LPP: variants seen among roughly 807,000 people sequenced by gnomAD.
LPP encodes LIM domain containing preferred translocation partner in lipoma.
In LPP, 38 loss-of-function variants were observed where a neutral mutation model predicts 60.4. The ratio of observed to expected loss-of-function variants is 0.63; its 90% CI spans 0.49 to 0.83. The LOEUF is 0.83. Among genes scored for constraint, LPP ranks in the 40% least tolerant of loss-of-function variants. LPP has a pLI of 0.00. For missense variants in LPP, 902 were observed against 783.6 expected (o/e 1.15, Z -1.80); for synonymous variants, 328 against 290.8 (o/e 1.13, Z -1.30).
At chr3:188,291,538 C>T (rs751885303) in intron 2 of LPP, among the ~76,000 whole-genome samples, 35 of 148,324 alleles carry the variant, frequency 2.4e-4, no homozygotes, top group Admixed American at 1.7e-3. Flanking sequence ...CCCAGCTACT[C>T]GGGAGGCTGA....
At chr3:188,415,329 G>GCAT (rs899539949) in intron 4 of LPP, among the ~76,000 whole-genome samples, 4 of 152,084 alleles carry the variant, frequency 2.6e-5, no homozygotes. Context: ...TCACAATGCT[G>GCAT]GTAGGCATGT....
rs563081904 is a variant in LPP at position 188,571,399 on chromosome 3, A to G, written c.430-37762A>G. Among the ~76,000 whole-genome samples, 3 of 152,122 alleles carry G rather than the reference A, an allele frequency of 2.0e-5. No homozygotes were observed. In the South Asian group the frequency reaches 6.2e-4, roughly 32 times the overall value. On this transcript the variant is annotated intron_variant, in intron 6 of 11. Transcript: ENST00000617246. ...TTTTCAGAAGATAGGACTGTATGCAAATGTTTCCAATATCTCTTTCTAGGA... is the reference window on the plus strand; with the variant it reads ...TTTTCAGAAGATAGGACTGTATGCAGATGTTTCCAATATCTCTTTCTAGGA...
At chr3:188,741,041 A>G (rs1724226721) in intron 8 of LPP, among the ~76,000 whole-genome samples, 1 of 151,946 alleles carries the variant, frequency 6.6e-6, no homozygotes, top group Non-Finnish European at 1.5e-5. Context: ...AGTGTGTTTC[A>G]CTGATATGCA....
chr3:188,210,178 G>C (rs564226796), intron 1 of LPP, among the ~76,000 whole-genome samples: 28 of 152,098 alleles, frequency 1.8e-4, no homozygotes, highest in Admixed American at 1.2e-3. Flanking sequence ...AAGTAATCTA[G>C]AGATGCTTTA....
intron 7 of LPP, among the ~76,000 whole-genome samples, chr3:188,623,275 T>TG (rs1846163576): frequency 6.6e-6 from 1 of 150,670 alleles, no homozygotes; most frequent in Non-Finnish European, 1.5e-5. Flanking sequence ...TTTTTTTTTT[T>TG]GAAAGAGAGC....
chr3:188,655,000 C>A (rs566061377), intron 7 of LPP, among the ~76,000 whole-genome samples: 28 of 152,130 alleles, frequency 1.8e-4, no homozygotes, highest in Non-Finnish European at 3.5e-4. Flanking sequence ...TTATATGGAA[C>A]AAACATATGT....
In LPP at chr3:188,434,772, G is replaced by C. The variant is rs73050795; in HGVS notation, c.193+28459G>C. On this transcript the variant is annotated intron_variant, in intron 4 of 11. Coordinates refer to ENST00000617246, the MANE Select transcript of LPP (RefSeq NM_001375462.1). ...GGCATCCTTTTCTCACTCTGAGCCT[G>C]GGGTCAATGATGGATCGAATTAGAT... 8.8e-3 allele frequency among the ~76,000 whole-genome samples: 1,344 copies of C among 152,250 alleles called. 19 individuals carry two copies. Among genetic ancestry groups the C allele is most frequent in the African/African-American group, 0.031 (1,298 of 41,536 alleles).
At chr3:188,598,921 A>AT (rs1202026316) in intron 6 of LPP, among the ~76,000 whole-genome samples, 3 of 152,076 alleles carry the variant, frequency 2.0e-5, no homozygotes, top group African/African-American at 7.2e-5. Context: ...AACTCACAGT[A>AT]TTTTTCACTA....
At chr3:188,576,401 A>G (rs951436910) in intron 6 of LPP, among the ~76,000 whole-genome samples, 2 of 152,158 alleles carry the variant, frequency 1.3e-5, no homozygotes, top group African/African-American at 4.8e-5. Flanking sequence ...CATTCTGCAT[A>G]ACACACATGG....
chr3:188,649,058 C>T (rs777672398), intron 7 of LPP, among the ~76,000 whole-genome samples: 2 of 152,258 alleles, frequency 1.3e-5, no homozygotes, highest in South Asian at 2.1e-4. Flanking sequence ...AAAGTGCTAT[C>T]GTCATTGTCA....
At chr3:188,425,615 T>A (rs758961978) in intron 4 of LPP, among the ~76,000 whole-genome samples, 18 of 152,218 alleles carry the variant, frequency 1.2e-4, no homozygotes, top group Non-Finnish European at 2.4e-4. Context: ...AATTACTGCA[T>A]CAATTTCAGA....
chr3:188,156,858 C>CT (rs34544449), intron 1 of LPP, among the ~76,000 whole-genome samples: 15 of 151,306 alleles, frequency 9.9e-5, no homozygotes, highest in African/African-American at 3.7e-4. Context: ...CCCACCCCCC[C>CT]AAGAAAAATA....
At chr3:188,701,944 C>T (rs939691845) in intron 7 of LPP, among the ~76,000 whole-genome samples, 1 of 83,586 alleles carries the variant, frequency 1.2e-5, no homozygotes, top group African/African-American at 5.0e-5. Context: ...GTTTTTTTCC[C>T]TTTTTTTTTT....
chr3:188,686,774 A>G (rs1860829935), intron 7 of LPP, among the ~76,000 whole-genome samples: 1 of 152,220 alleles, frequency 6.6e-6, no homozygotes, highest in Admixed American at 6.5e-5. Flanking sequence ...GGGAAGAATC[A>G]ACATAAAACA....
intron 3 of LPP, among the ~76,000 whole-genome samples, chr3:188,394,064 G>C (rs560623628): frequency 6.6e-6 from 1 of 152,234 alleles, no homozygotes; most frequent in Admixed American, 6.5e-5. Flanking sequence ...ATTTTGCTAA[G>C]GAAAAGTTTG....
At chr3:188,666,659 A>T (rs763623552) in intron 7 of LPP, among the ~76,000 whole-genome samples, 3 of 152,240 alleles carry the variant, frequency 2.0e-5, no homozygotes, top group Non-Finnish European at 4.4e-5. Flanking sequence ...GCCATCATTT[A>T]TTCAACAGTC....
chr3:188,660,704 C>T (rs1400469786), intron 7 of LPP, among the ~76,000 whole-genome samples: 2 of 151,740 alleles, frequency 1.3e-5, no homozygotes, highest in Non-Finnish European at 2.9e-5. Flanking sequence ...GGAAGGTTCA[C>T]AGTCAAACTG....
chr3:188,236,716 A>C (rs9828022), intron 2 of LPP, among the ~76,000 whole-genome samples: 80,103 of 151,996 alleles, frequency 0.53, 21,905 homozygotes, highest in Middle Eastern at 0.64. Context: ...TACAGTATAC[A>C]TACCTTAATT....
intron 7 of LPP, among the ~76,000 whole-genome samples, chr3:188,692,636 C>G (rs1276687133): frequency 1.3e-5 from 2 of 152,180 alleles, no homozygotes; most frequent in African/African-American, 4.8e-5. Context: ...TTTTGTGTGT[C>G]TAATATTTTC....
Sources: gnomAD v4.1 joint callset for allele counts (sites outside exome capture counted in the v4.1 genomes callset) on GRCh38, gnomAD v4.1.1 for gene constraint, MANE v1.5 for transcripts, NCBI Gene and HGNC (gene_info 2026-07-23, HGNC 2026-07-21) for gene names.